Variants in KY observed in about 807,000 individuals in gnomAD.
The protein encoded by KY is kyphoscoliosis peptidase.
Under a neutral mutation model 76.1 loss-of-function variants are expected in KY, and 43 were observed. That is an observed-to-expected ratio of 0.57 (90% CI 0.44 to 0.73). KY has a LOEUF of 0.73. Among genes scored for constraint, KY ranks in the 30% least tolerant of loss-of-function variants. KY has a pLI of 0.00. For synonymous variants in KY, 277 were observed against 326.2 expected (o/e 0.85, Z 1.63); for missense variants, 722 against 828.9 (o/e 0.87, Z 1.58).
intron 8 of KY, among the ~76,000 whole-genome samples, chr3:134,616,074 A>C (rs1364616017): frequency 1.3e-5 from 2 of 152,248 alleles, no homozygotes; most frequent in South Asian, 2.1e-4. Context: ...CAAGAGCAGC[A>C]GTCTGGGGAA....
In KY at chr3:134,650,219, T is replaced by A. The variant is rs540322872; in HGVS notation, c.136+606A>T. Among the ~76,000 whole-genome samples the A allele has an allele frequency of 4.6e-5, 7 of 152,312 alleles. No individual in the cohort carries two copies. The South Asian group carries it at 1.5e-3, about 32-fold the overall frequency. Reference sequence around the variant, plus strand: ...CAGAAAGTGTGTAGGACAAGTAAAATTGATGGATAAGTTCAAGTGGAGACA... The same window carrying A: ...CAGAAAGTGTGTAGGACAAGTAAAAATGATGGATAAGTTCAAGTGGAGACA... On this transcript the variant is annotated intron_variant, in intron 1 of 10. Transcript: ENST00000423778.
chr3:134,609,723 A>G (rs1960005184), intron 9 of KY, among the ~76,000 whole-genome samples: 1 of 152,060 alleles, frequency 6.6e-6, no homozygotes, highest in Non-Finnish European at 1.5e-5. Context: ...CTTCCCCAAA[A>G]ACCACAGCCC....
Position 134,627,762 on chromosome 3 carries a change from C to CATCT in KY, c.390_393dup (p.Ala132ArgfsTer11). On this transcript the variant is annotated frameshift_variant, in exon 5 of 11. Transcript: ENST00000423778. LOFTEE classifies it high-confidence loss of function. ...GGAAGACTCTGGAACTTACCATGGG[C>CATCT]ATCTTTCCCTCCAGGTTGCCGGGGT... is the stretch of plus-strand genomic sequence containing the variant. The CATCT allele has an allele frequency of 6.2e-7, 1 of 1,613,686 alleles. No homozygotes were observed. Among genetic ancestry groups the CATCT allele is most frequent in the Non-Finnish European group, 8.5e-7 (1 of 1,179,602 alleles).
At chr3:134,649,428 G>C (rs563669670) in intron 1 of KY, among the ~76,000 whole-genome samples, 1 of 152,188 alleles carries the variant, frequency 6.6e-6, no homozygotes, top group Non-Finnish European at 1.5e-5. Flanking sequence ...CTCGTGGGCT[G>C]ACCTGGAACT....
intron 10 of KY, among the ~76,000 whole-genome samples, chr3:134,605,122 AC>A (rs1042807046): frequency 8.6e-5 from 13 of 150,568 alleles, no homozygotes; most frequent in South Asian, 2.1e-4. Context: ...CCACACTGCC[AC>A]CCCCCATCTC....
At chr3:134,621,522 G>T (rs1439510811) in intron 6 of KY, among the ~76,000 whole-genome samples, 1 of 152,146 alleles carries the variant, frequency 6.6e-6, no homozygotes, top group African/African-American at 2.4e-5. Context: ...ACATGCAAAA[G>T]AATAAACTTG....
At chr3:134,619,382 A>C in intron 7 of KY, 117 bp from the exon 8 acceptor site, 1 of 745,498 alleles carries the variant, frequency 1.3e-6, no homozygotes, top group African/African-American at 1.7e-5. Context: ...AGTGGGCTGA[A>C]TGGAACTACA....
chr3:134,619,371 C>G, intron 7 of KY, 106 bp from the exon 8 acceptor site: 1 of 818,942 alleles, frequency 1.2e-6, no homozygotes, highest in Admixed American at 1.9e-5. Context: ...CAGGAAACTA[C>G]AGTGGGCTGA....
At chr3:134,605,769 C>T (rs958476883) in intron 10 of KY, among the ~76,000 whole-genome samples, 4 of 152,052 alleles carry the variant, frequency 2.6e-5, no homozygotes, top group African/African-American at 9.7e-5. Context: ...AACGAGGCCT[C>T]TCAGACCTTG....
intron 3 of KY, among the ~76,000 whole-genome samples, chr3:134,631,589 G>A (rs2107919373): frequency 6.6e-6 from 1 of 152,232 alleles, no homozygotes; most frequent in South Asian, 2.1e-4. Context: ...ACAACATAGA[G>A]TAGGAGAGTG....
At chr3:134,650,140 A>G (rs193217647) in intron 1 of KY, among the ~76,000 whole-genome samples, 36 of 152,274 alleles carry the variant, frequency 2.4e-4, no homozygotes, top group African/African-American at 8.7e-4. Context: ...GCTTTCCACA[A>G]TCACTCTATA....
In KY at chr3:134,603,452, G is replaced by A; in HGVS notation, c.*127C>T. 2.5e-6 allele frequency: 2 copies of A among 813,980 alleles called. No homozygotes were observed. Among genetic ancestry groups the A allele is most frequent in the Admixed American group, 2.6e-5 (1 of 38,330 alleles). 50.4% of individuals were successfully genotyped at this position (813,980 alleles called of 1,614,324 possible). On this transcript the variant is annotated 3_prime_UTR_variant, in exon 11 of 11. Coordinates refer to ENST00000423778, the MANE Select transcript of KY (RefSeq NM_178554.6). ...GCTCCTGTGGCAGAGGTGGGACACT[G>A]AGGCAGAGGCCTAGAAGGGATTTCA...
intron 3 of KY, among the ~76,000 whole-genome samples, chr3:134,639,197 C>A (rs1965400945): frequency 1.3e-5 from 2 of 152,000 alleles, no homozygotes; most frequent in Non-Finnish European, 2.9e-5. Context: ...TGATTCCACC[C>A]AGGATGCAGT....
At position 134,610,233 on chromosome 3, in the gene KY, G is replaced by A. The variant is rs372354601; in HGVS notation, c.861C>T (p.Ser287=). The A allele has an allele frequency of 1.3e-4, 204 of 1,613,702 alleles. 1 individual carries two copies. Among genetic ancestry groups the A allele is most frequent in the South Asian group, 2.9e-4 (26 of 91,064 alleles). Residue 287 remains serine, a synonymous_variant, in exon 9 of 11, where the codon AGC becomes AGT. Coordinates refer to ENST00000423778, the MANE Select transcript of KY (RefSeq NM_178554.6). The part of the protein sequence containing the change: ...RWHLVDSTWG[S]GLVDTITSKF... ...TGGAGGTGATGGTGTCCACCAGGCCGCTGCCCCAGGTGCTGTCCACCAGGT... is the reference window on the plus strand; with the variant it reads ...TGGAGGTGATGGTGTCCACCAGGCCACTGCCCCAGGTGCTGTCCACCAGGT...
intron 3 of KY, among the ~76,000 whole-genome samples, chr3:134,633,060 A>G (rs1964438735): frequency 6.6e-6 from 1 of 152,080 alleles, no homozygotes; most frequent in African/African-American, 2.4e-5. Context: ...CAAAACTCAT[A>G]TAGGAAGCAG....
intron 3 of KY, among the ~76,000 whole-genome samples, chr3:134,631,151 A>G (rs751996878): frequency 3.3e-5 from 5 of 152,220 alleles, no homozygotes; most frequent in Admixed American, 6.5e-5. Flanking sequence ...GAGAAATAAT[A>G]TGATGCAGAA....
chr3:134,610,487 C>T, intron 8 of KY, 104 bp from the exon 9 acceptor site: 2 of 943,642 alleles, frequency 2.1e-6, no homozygotes, highest in Non-Finnish European at 3.2e-6. Context: ...CATCAGTCCT[C>T]CCTGTCTATC....
chr3:134,606,896 T>G (rs1407486741), intron 10 of KY: 2 of 984,454 alleles, frequency 2.0e-6, no homozygotes, highest in Non-Finnish European at 2.4e-6. Flanking sequence ...GGTGCCCTCT[T>G]CCTTCCCTTC....
intron 3 of KY, among the ~76,000 whole-genome samples, chr3:134,640,512 T>C (rs957272623): frequency 2.6e-5 from 4 of 152,142 alleles, no homozygotes; most frequent in African/African-American, 9.7e-5. Flanking sequence ...GTCCCACCTC[T>C]GGTCAACGCT....
Sources: allele counts gnomAD v4.1 joint callset (sites outside exome capture counted in the v4.1 genomes callset), GRCh38; gene constraint gnomAD v4.1.1; transcripts MANE v1.5; gene names NCBI Gene and HGNC (gene_info 2026-07-23, HGNC 2026-07-21).